NBEA: variants seen among roughly 807,000 people sequenced by gnomAD.
NBEA encodes neurobeachin, also known as lysosomal-trafficking regulator 2.
In NBEA, 44 loss-of-function variants were observed where a neutral mutation model predicts 343.4. That is an observed-to-expected ratio of 0.13 (90% confidence interval 0.10 to 0.16). The LOEUF is 0.16. Among genes scored for constraint, NBEA ranks in the 10% least tolerant of loss-of-function variants. The pLI is 1.00. For synonymous variants in NBEA, 1,175 were observed against 1,238.7 expected (o/e 0.95, Z 1.08); for missense variants, 2,555 against 3,631.3 (o/e 0.70, Z 7.62).
chr13:35,639,900 T>C (rs2153072488), intron 49 of NBEA, among the ~76,000 whole-genome samples: 1 of 149,740 alleles, frequency 6.7e-6, no homozygotes, highest in Non-Finnish European at 1.5e-5. Flanking sequence ...CTGTTTGTCA[T>C]GGCTCTGTAG....
chr13:35,444,263 G>T (rs1450444203), intron 39 of NBEA, among the ~76,000 whole-genome samples: 2 of 151,828 alleles, frequency 1.3e-5, no homozygotes, highest in Non-Finnish European at 2.9e-5. Flanking sequence ...TTTCTGAGAG[G>T]TATATTTATC....
intron 41 of NBEA, among the ~76,000 whole-genome samples, chr13:35,493,080 C>A (rs1328320056): frequency 6.6e-6 from 1 of 151,820 alleles, no homozygotes; most frequent in Non-Finnish European, 1.5e-5. Flanking sequence ...TATATGAATA[C>A]TGAATTCTCT....
rs73488132 is a variant in NBEA at position 34,944,424 on chromosome 13, T to C, written c.294+1310T>C. Among the ~76,000 whole-genome samples the C allele has an allele frequency of 6.0e-3, 912 of 152,338 alleles. 9 individuals are homozygous for C. The highest frequency in any genetic ancestry group is 0.021 in the African/African-American group (874 of 41,578). On this transcript the variant is annotated intron_variant, in intron 1 of 58. Coordinates refer to ENST00000379939, the MANE Select transcript of NBEA (RefSeq NM_001385012.1). Reference sequence around the variant, plus strand: ...GAAAAGTTGAAGCTGTTTTTTTCCTTTTGCTAGTGTGTCAGGTCAAAGGAG... The same window carrying C: ...GAAAAGTTGAAGCTGTTTTTTTCCTCTTGCTAGTGTGTCAGGTCAAAGGAG...
intron 45 of NBEA, among the ~76,000 whole-genome samples, chr13:35,582,315 A>G (rs993699537): frequency 1.3e-5 from 2 of 152,118 alleles, no homozygotes; most frequent in African/African-American, 4.8e-5. Flanking sequence ...TAAAATAAAA[A>G]AATAAAAAAC....
chr13:35,031,117 TAC>T (rs1446818624), intron 1 of NBEA, among the ~76,000 whole-genome samples: 6 of 151,680 alleles, frequency 4.0e-5, no homozygotes, highest in Non-Finnish European at 7.4e-5. Flanking sequence ...TACAAATTTA[TAC>T]AGAGGCCCAT....
At chr13:35,548,894 T>A (rs1409645987) in intron 41 of NBEA, among the ~76,000 whole-genome samples, 1 of 152,196 alleles carries the variant, frequency 6.6e-6, no homozygotes, top group Non-Finnish European at 1.5e-5. Context: ...AATTGTCACC[T>A]GATGCTCAAC....
chr13:35,528,260 C>A (rs1006737817), intron 41 of NBEA, among the ~76,000 whole-genome samples: 9 of 152,224 alleles, frequency 5.9e-5, no homozygotes, highest in African/African-American at 2.2e-4. Context: ...TCAAGAAAAT[C>A]TGTAATCAAA....
intron 17 of NBEA, among the ~76,000 whole-genome samples, chr13:35,138,828 TAAAC>T (rs1316978604): frequency 1.5e-4 from 23 of 152,106 alleles, no homozygotes; most frequent in South Asian, 4.1e-4. Flanking sequence ...ATTGTTGACT[TAAAC>T]AAACTATAAA....
At chr13:35,110,703 T>G in intron 12 of NBEA, 107 bp from the exon 13 acceptor site, 1 of 781,920 alleles carries the variant, frequency 1.3e-6, no homozygotes, top group Non-Finnish European at 1.9e-6. Context: ...AAATGGTCAT[T>G]TCTTGGTCTT....
At chr13:35,557,577 G>A (rs113912454) in intron 44 of NBEA, among the ~76,000 whole-genome samples, 15 of 151,950 alleles carry the variant, frequency 9.9e-5, no homozygotes, top group African/African-American at 3.6e-4. Flanking sequence ...AGATTATATG[G>A]GCCACTGATT....
chr13:35,431,506 T>G (rs1179258692), intron 38 of NBEA, among the ~76,000 whole-genome samples: 1 of 152,182 alleles, frequency 6.6e-6, no homozygotes, highest in Non-Finnish European at 1.5e-5. Context: ...GAAATATCTC[T>G]TGGATTTTTA....
At chr13:35,476,786 T>C in intron 41 of NBEA, 1 of 1,033,250 alleles carries the variant, frequency 9.7e-7, no homozygotes, top group Non-Finnish European at 1.2e-6. Flanking sequence ...CTCCTTCAGC[T>C]CCAACCCGGC....
chr13:35,401,085 T>C (rs1359370418), intron 38 of NBEA, among the ~76,000 whole-genome samples: 2 of 152,058 alleles, frequency 1.3e-5, no homozygotes, highest in Non-Finnish European at 2.9e-5. Context: ...TAATTATTTA[T>C]CTATTTGTTC....
chr13:35,063,432 T>C (rs2063536413), intron 8 of NBEA, among the ~76,000 whole-genome samples: 1 of 151,922 alleles, frequency 6.6e-6, no homozygotes. Context: ...GGGGAAGAGC[T>C]TTAAGGGCAA....
At chr13:35,521,095 C>T (rs1255692891) in intron 41 of NBEA, among the ~76,000 whole-genome samples, 3 of 152,044 alleles carry the variant, frequency 2.0e-5, no homozygotes, top group Non-Finnish European at 4.4e-5. Context: ...TTTCAAATCA[C>T]ACTGAATTGA....
chr13:35,527,698 G>C (rs2078048017), intron 41 of NBEA, among the ~76,000 whole-genome samples: 1 of 152,212 alleles, frequency 6.6e-6, no homozygotes, highest in African/African-American at 2.4e-5. Context: ...ATGGGAACAG[G>C]CACTTCTGAG....
At chr13:34,975,372 A>G (rs1363576243) in intron 1 of NBEA, among the ~76,000 whole-genome samples, 2 of 152,222 alleles carry the variant, frequency 1.3e-5, no homozygotes, top group Non-Finnish European at 2.9e-5. Context: ...AGGACACCCT[A>G]TTCAACAGAT....
chr13:35,372,256 G>T (rs539132698), intron 38 of NBEA, among the ~76,000 whole-genome samples: 1 of 152,180 alleles, frequency 6.6e-6, no homozygotes, highest in African/African-American at 2.4e-5. Context: ...TAGCATTGGC[G>T]GTGGCTGTGA....
chr13:35,044,710 A>G (rs2062781510), intron 2 of NBEA, among the ~76,000 whole-genome samples: 3 of 150,684 alleles, frequency 2.0e-5, no homozygotes, highest in Non-Finnish European at 4.4e-5. Context: ...TGGTAATTTA[A>G]TGGGGGAAAA....
Sources: gnomAD v4.1 joint callset for allele counts (sites outside exome capture counted in the v4.1 genomes callset) on GRCh38, gnomAD v4.1.1 for gene constraint, MANE v1.5 for transcripts, NCBI Gene and HGNC (gene_info 2026-07-23, HGNC 2026-07-21) for gene names.